Variants in PRKG1 observed in about 807,000 individuals in gnomAD.
PRKG1 encodes the protein cGMP-dependent protein kinase 1.
A neutral mutation model predicts 88.1 loss-of-function variants in PRKG1; 35 were observed. That is an observed-to-expected ratio of 0.40 (90% CI 0.30 to 0.53). PRKG1 has a LOEUF of 0.53. Ranked by LOEUF, PRKG1 falls within the 20% of genes least tolerant of loss-of-function variation. The probability of loss-of-function intolerance (pLI) is 0.59; values close to 1 mark genes in which losing one functional copy is unlikely to be tolerated. For missense variants in PRKG1, 540 were observed against 839.8 expected, an observed-to-expected ratio of 0.64 and a Z score of 4.41; for synonymous variants, 303 against 292.5, an observed-to-expected ratio of 1.04 and a Z score of -0.37.
intron 9 of PRKG1, among the ~76,000 whole-genome samples, chr10:52,250,248 T>A (rs771278795): frequency 6.6e-6 from 1 of 152,140 alleles, no homozygotes; most frequent in Admixed American, 6.6e-5. Flanking sequence ...TTTGTAAAAG[T>A]TTATTGGAGG....
At chr10:51,373,347 G>T (rs555809056) in intron 2 of PRKG1, among the ~76,000 whole-genome samples, 1 of 152,148 alleles carries the variant, frequency 6.6e-6, no homozygotes, top group Non-Finnish European at 1.5e-5. Context: ...TGCAAGTAAG[G>T]CATCAGCCAG....
chr10:51,553,297 G>A (rs948575456), intron 3 of PRKG1, among the ~76,000 whole-genome samples: 3 of 151,582 alleles, frequency 2.0e-5, no homozygotes, highest in Admixed American at 6.6e-5. Flanking sequence ...TTCTTTTGCC[G>A]TGACAGAAAG....
intron 2 of PRKG1, among the ~76,000 whole-genome samples, chr10:51,381,442 G>A (rs1837101780): frequency 6.6e-6 from 1 of 151,958 alleles, no homozygotes; most frequent in Non-Finnish European, 1.5e-5. Context: ...TTCTCTTGGT[G>A]CAGTGATTGA....
intron 1 of PRKG1, among the ~76,000 whole-genome samples, chr10:51,104,128 T>C (rs1379285040): frequency 6.6e-6 from 1 of 152,128 alleles, no homozygotes; most frequent in Non-Finnish European, 1.5e-5. Context: ...GAGGGCTGAA[T>C]CATTTTCTTC....
chr10:51,865,204 G>A (rs1165560843), intron 4 of PRKG1, among the ~76,000 whole-genome samples: 1 of 152,034 alleles, frequency 6.6e-6, no homozygotes, highest in African/African-American at 2.4e-5. Flanking sequence ...CTATTGTGCT[G>A]TATGTATACC....
chr10:51,665,935 G>A (rs1304150024), intron 3 of PRKG1, among the ~76,000 whole-genome samples: 1 of 151,470 alleles, frequency 6.6e-6, no homozygotes, highest in African/African-American at 2.4e-5. Context: ...GTGTGTGTGT[G>A]TTTGTGTGTT....
chr10:52,179,682 G>A (rs1295111463), intron 9 of PRKG1, among the ~76,000 whole-genome samples: 1 of 152,062 alleles, frequency 6.6e-6, no homozygotes, highest in Non-Finnish European at 1.5e-5. Flanking sequence ...ACACTTTGTT[G>A]TTGTTGCTGC....
chr10:51,262,629 A>G (rs1839740386), intron 2 of PRKG1, among the ~76,000 whole-genome samples: 1 of 152,214 alleles, frequency 6.6e-6, no homozygotes, highest in African/African-American at 2.4e-5. Context: ...TGGGTCGTTT[A>G]TAAAGAAAAG....
chr10:51,841,200 C>G (rs1214973522), intron 4 of PRKG1, among the ~76,000 whole-genome samples: 1 of 152,210 alleles, frequency 6.6e-6, no homozygotes, highest in Non-Finnish European at 1.5e-5. Flanking sequence ...CTCAATCTCT[C>G]TCTCACTTAA....
intron 7 of PRKG1, among the ~76,000 whole-genome samples, chr10:52,074,075 T>G (rs1589581855): frequency 6.6e-6 from 1 of 152,328 alleles, no homozygotes; most frequent in Admixed American, 6.5e-5. Context: ...CTTGCTAATG[T>G]TTTAGTGTGT....
At chr10:51,300,586 C>A (rs1840857335) in intron 2 of PRKG1, among the ~76,000 whole-genome samples, 1 of 152,160 alleles carries the variant, frequency 6.6e-6, no homozygotes, top group Non-Finnish European at 1.5e-5. Flanking sequence ...ACTTTTGCAG[C>A]AAATACAAAT....
At position 51,907,456 on chromosome 10, in the gene PRKG1, G is replaced by T. The variant is rs765445663; in HGVS notation, c.699-51G>T. 2.9e-6 allele frequency: 4 copies of T among 1,368,414 alleles called. No homozygotes were observed. The African/African-American group carries it at 5.9e-5, about 20-fold the overall frequency. 84.8% of individuals were successfully genotyped at this position (1,368,414 alleles called of 1,614,324 possible). ...ATTCATGGTCATTTTTATTACTTAT[G>T]AAAGTAAGTTGTGGTTCATGTGTTC... On this transcript the variant is annotated intron_variant, in intron 4 of 17. Transcript: ENST00000373980.
At chr10:51,066,538 G>T (rs1252009958) in intron 1 of PRKG1, among the ~76,000 whole-genome samples, 1 of 152,046 alleles carries the variant, frequency 6.6e-6, no homozygotes, top group African/African-American at 2.4e-5. Context: ...GAAAATGCTT[G>T]TACTTTCTAT....
intron 6 of PRKG1, among the ~76,000 whole-genome samples, chr10:52,057,331 A>C (rs150456038): frequency 1.3e-5 from 2 of 152,288 alleles, no homozygotes; most frequent in Admixed American, 6.5e-5. Context: ...TTTTTCTAAA[A>C]CCTGAGGCAG....
chr10:51,780,597 T>C (rs1005661979), intron 3 of PRKG1, among the ~76,000 whole-genome samples: 1 of 152,188 alleles, frequency 6.6e-6, no homozygotes, highest in Non-Finnish European at 1.5e-5. Context: ...AAGTAACTTT[T>C]AATCATTTCT....
intron 3 of PRKG1, among the ~76,000 whole-genome samples, chr10:51,693,782 T>C (rs554480998): frequency 2.0e-5 from 3 of 152,280 alleles, no homozygotes; most frequent in Non-Finnish European, 4.4e-5. Flanking sequence ...AGAACAAACA[T>C]GATAGTTAAT....
intron 1 of PRKG1, among the ~76,000 whole-genome samples, chr10:51,109,743 A>G (rs1844937659): frequency 6.6e-6 from 1 of 152,186 alleles, no homozygotes; most frequent in Non-Finnish European, 1.5e-5. Context: ...ATAAAAGAGC[A>G]AATTGCTAAA....
chr10:51,104,419 G>A (rs1451255063), intron 1 of PRKG1, among the ~76,000 whole-genome samples: 5 of 152,178 alleles, frequency 3.3e-5, no homozygotes, highest in South Asian at 4.1e-4. Context: ...GACAAAATGC[G>A]TGACAAGAGA....
At chr10:51,049,998 T>C (rs956455809) in intron 1 of PRKG1, among the ~76,000 whole-genome samples, 1 of 152,112 alleles carries the variant, frequency 6.6e-6, no homozygotes, top group Non-Finnish European at 1.5e-5. Context: ...GTTTCCTTGC[T>C]TGTCATTAAA....
Sources: gnomAD v4.1 joint callset for allele counts (sites outside exome capture counted in the v4.1 genomes callset) on GRCh38, gnomAD v4.1.1 for gene constraint, MANE v1.5 for transcripts, NCBI Gene and HGNC (gene_info 2026-07-23, HGNC 2026-07-21) for gene names.